The following EML6 variants were observed in gnomAD, a reference collection of about 807,000 sequenced individuals.
EML6 encodes the protein EMAP like 6, also known as echinoderm microtubule-associated protein-like 6.
A neutral mutation model predicts 240.1 loss-of-function variants in EML6; 154 were observed. The ratio of observed to expected loss-of-function variants is 0.64; its 90% CI spans 0.56 to 0.73. EML6 has a LOEUF of 0.73. Among genes scored for constraint, EML6 ranks in the 30% least tolerant of loss-of-function variants. The pLI is 0.00. For synonymous variants in EML6, 1,148 were observed against 899.0 expected (o/e 1.28, Z -4.95); for missense variants, 2,964 against 2,474.6 (o/e 1.20, Z -4.20).
chr2:54,813,741 C>G (rs962691018), intron 3 of EML6, among the ~76,000 whole-genome samples: 1 of 152,180 alleles, frequency 6.6e-6, no homozygotes, highest in Non-Finnish European at 1.5e-5. Flanking sequence ...TATTCATAGA[C>G]GTCAAGCCCT....
intron 5 of EML6, among the ~76,000 whole-genome samples, 175 bp downstream of exon 5, chr2:54,820,637 C>G (rs184756953): frequency 6.6e-6 from 1 of 152,256 alleles, no homozygotes; most frequent in Admixed American, 6.5e-5. Context: ...ATGGGGCTCT[C>G]TCTTAGAAAT....
chr2:54,882,675 G>C (rs890196258), intron 17 of EML6: 2 of 151,422 alleles, frequency 1.3e-5, no homozygotes, highest in Non-Finnish European at 2.9e-5. Context: ...TGGCTAACAG[G>C]GTGAAACCCC....
chr2:54,961,835 C>G (rs2104534937), intron 35 of EML6, among the ~76,000 whole-genome samples: 1 of 151,768 alleles, frequency 6.6e-6, no homozygotes. Context: ...AAAACCCCAT[C>G]TCTACTAAAA....
intron 25 of EML6, among the ~76,000 whole-genome samples, chr2:54,912,549 G>A (rs945741941): frequency 1.3e-5 from 2 of 152,090 alleles, no homozygotes; most frequent in South Asian, 2.1e-4. Flanking sequence ...TAGTGTTTCA[G>A]CCTTTGCCAC....
chr2:54,968,376 G>C (rs534577900), intron 40 of EML6, 95 bp downstream of exon 40: 473 of 1,176,898 alleles, frequency 4.0e-4, no homozygotes, highest in African/African-American at 9.3e-4. Flanking sequence ...GGGAGACACA[G>C]AGAAACCCTG....
rs547036911 is a variant in EML6 at position 54,761,155 on chromosome 2, AT to A, written c.197+35898del. Among the ~76,000 whole-genome samples, 913 of 152,270 alleles carry A rather than the reference AT, an allele frequency of 6.0e-3. 4 individuals are homozygous for A. The highest frequency in any genetic ancestry group is 9.5e-3 in the Non-Finnish European group (643 of 68,020). On this transcript the variant is annotated intron_variant, in intron 2 of 41. Transcript: ENST00000356458. ...TCATTGTTGAGAAATTGTTTTCCAT[AT>A]GGTTATTTCATCTGAGAATATGATT... is the stretch of plus-strand genomic sequence containing the variant.
chr2:54,868,911 G>T (rs1671108303), intron 14 of EML6: 1 of 400,522 alleles, frequency 2.5e-6, no homozygotes, highest in South Asian at 5.5e-5. Flanking sequence ...TGTGTTCTCA[G>T]ATGATCGTTT....
intron 2 of EML6, among the ~76,000 whole-genome samples, chr2:54,760,564 GAGGCAGCAGGCTTGCAGAGTAC>G (rs1395852496): frequency 2.0e-5 from 3 of 152,140 alleles, no homozygotes; most frequent in African/African-American, 7.2e-5. Flanking sequence ...GCAGTACCTA[GAGGCAGCAGGCTTGCAGAGTAC>G]CTGTTTCCCT....
At chr2:54,812,522 G>A (rs1010437983) in intron 2 of EML6, among the ~76,000 whole-genome samples, 5 of 53,638 alleles carry the variant, frequency 9.3e-5, no homozygotes, top group African/African-American at 3.3e-4. Context: ...AAAACATTAG[G>A]GTGATTTTTT....
rs1245062318 is a variant in EML6, at chr2:54,869,320, C to T, written c.2191C>T (p.Leu731Phe). Residue 731 changes from leucine to phenylalanine, a missense_variant, in exon 15 of 42, where the codon CTC becomes TTC. Leu to Phe is a conservative substitution (Grantham distance 22). Coordinates refer to ENST00000356458, the MANE Select transcript of EML6 (RefSeq NM_001039753.4). ...RLYLGHDDDI[L>F]SLTIHPVKDY... ...GTACCTGGGGCACGATGACGACATTCTCAGCCTGACCATCCATCCAGTGAA... is the reference window on the plus strand; with the variant it reads ...GTACCTGGGGCACGATGACGACATTTTCAGCCTGACCATCCATCCAGTGAA... 3.9e-6 allele frequency: 6 copies of T among 1,551,534 alleles called. No homozygotes were observed. Among genetic ancestry groups the T allele is most frequent in the Non-Finnish European group, 5.2e-6 (6 of 1,146,932 alleles).
At chr2:54,812,493 G>A (rs1667898614) in intron 2 of EML6, among the ~76,000 whole-genome samples, 1 of 150,374 alleles carries the variant, frequency 6.7e-6, no homozygotes. Flanking sequence ...AAGACACAAC[G>A]CCTATACACA....
intron 2 of EML6, among the ~76,000 whole-genome samples, chr2:54,727,063 C>T (rs182925587): frequency 2.0e-4 from 30 of 152,196 alleles, no homozygotes; most frequent in Admixed American, 8.5e-4. Flanking sequence ...GACAAGCAGC[C>T]GGGCTAGTGG....
intron 8 of EML6, among the ~76,000 whole-genome samples, chr2:54,846,384 T>C (rs1481674821): frequency 6.6e-6 from 1 of 151,818 alleles, no homozygotes; most frequent in African/African-American, 2.4e-5. Flanking sequence ...TATACTGATA[T>C]GTAGATATAT....
At chr2:54,801,807 C>A (rs1456926106) in intron 2 of EML6, among the ~76,000 whole-genome samples, 1 of 152,154 alleles carries the variant, frequency 6.6e-6, no homozygotes, top group African/African-American at 2.4e-5. Context: ...AACTATGAGG[C>A]CCTATGTATT....
chr2:54,945,934 A>G (rs1461487638), intron 28 of EML6, among the ~76,000 whole-genome samples: 2 of 152,138 alleles, frequency 1.3e-5, no homozygotes, highest in Non-Finnish European at 1.5e-5. Flanking sequence ...CTGTTTCCAC[A>G]GGGGGTACAG....
chr2:54,730,609 A>T (rs530039882), intron 2 of EML6, among the ~76,000 whole-genome samples: 1 of 152,218 alleles, frequency 6.6e-6, no homozygotes, highest in Non-Finnish European at 1.5e-5. Flanking sequence ...GAGTTACTCA[A>T]TGGTACCATC....
chr2:54,860,632 A>G (rs989900336), intron 12 of EML6, among the ~76,000 whole-genome samples: 4 of 152,194 alleles, frequency 2.6e-5, no homozygotes, highest in African/African-American at 9.7e-5. Flanking sequence ...CAACTTTTAT[A>G]GCTTCCACTC....
chr2:54,918,799 C>T (rs1052532718), intron 26 of EML6, among the ~76,000 whole-genome samples: 1 of 152,174 alleles, frequency 6.6e-6, no homozygotes, highest in African/African-American at 2.4e-5. Flanking sequence ...GGATAGTGGT[C>T]TCTGTCATCC....
At position 54,970,001 on chromosome 2, in the gene EML6, T is replaced by C. The variant is rs572521089; in HGVS notation, c.5853-70T>C. 6.6e-6 allele frequency: 10 copies of C among 1,509,342 alleles called. No individual in the cohort carries two copies. In the South Asian group the frequency reaches 1.2e-4, roughly 18 times the overall value. 93.5% of individuals were successfully genotyped at this position (1,509,342 alleles called of 1,614,324 possible). A position where few individuals can be genotyped will look rare whatever the true frequency, so the allele number is the denominator to read the frequency against. ...CTTGACTTTTGAGCACTTGGCAAGA[T>C]TGTTTTTTGCCACTTGACACAAGTA... On this transcript the variant is annotated intron_variant, in intron 41 of 41. Transcript: ENST00000356458.
Sources: gnomAD v4.1 joint callset for allele counts (sites outside exome capture counted in the v4.1 genomes callset) on GRCh38, gnomAD v4.1.1 for gene constraint, MANE v1.5 for transcripts, NCBI Gene and HGNC (gene_info 2026-07-23, HGNC 2026-07-21) for gene names.